ATXN1: variants seen among roughly 807,000 people sequenced by gnomAD.
The protein encoded by ATXN1 is ataxin-1.
ATXN1 carries 8 observed loss-of-function variants against 56.4 expected under a neutral mutation model. The ratio of observed to expected loss-of-function variants is 0.14; its 90% CI spans 0.08 to 0.26. ATXN1 has a LOEUF of 0.26. Among genes scored for constraint, ATXN1 ranks in the 10% least tolerant of loss-of-function variants. The probability of loss-of-function intolerance (pLI) is 1.00; values close to 1 mark genes in which losing one functional copy is unlikely to be tolerated. For missense variants in ATXN1, 987 were observed against 1,106.5 expected, an observed-to-expected ratio of 0.89 and a Z score of 1.53; for synonymous variants, 514 against 494.6, an observed-to-expected ratio of 1.04 and a Z score of -0.52.
At chr6:16,659,149 A>C (rs1758265577) in intron 2 of ATXN1, among the ~76,000 whole-genome samples, 1 of 152,244 alleles carries the variant, frequency 6.6e-6, no homozygotes, top group African/African-American at 2.4e-5. Flanking sequence ...AGTTGAGATA[A>C]TGCCATTCAA....
At chr6:16,408,508 A>C (rs1310431282) in intron 6 of ATXN1, among the ~76,000 whole-genome samples, 1 of 143,178 alleles carries the variant, frequency 7.0e-6, no homozygotes, top group Non-Finnish European at 1.6e-5. Flanking sequence ...GAACATGATG[A>C]GGATGGTAAA....
intron 2 of ATXN1, among the ~76,000 whole-genome samples, chr6:16,659,582 A>G (rs554138287): frequency 1.3e-5 from 2 of 152,350 alleles, no homozygotes; most frequent in African/African-American, 4.8e-5. Context: ...CTGCTGACCC[A>G]GGGAGGTTGA....
At chr6:16,522,751 T>C (rs1561738267) in intron 4 of ATXN1, 63 bp from the exon 5 acceptor site, 1 of 152,232 alleles carries the variant, frequency 6.6e-6, no homozygotes, top group East Asian at 1.9e-4. Context: ...TCAGTCCAAA[T>C]GAGCAGGCCT....
chr6:16,536,159 G>A (rs1761593207), intron 4 of ATXN1, among the ~76,000 whole-genome samples: 1 of 152,120 alleles, frequency 6.6e-6, no homozygotes, highest in African/African-American at 2.4e-5. Flanking sequence ...CCAGTCTGCA[G>A]TGAGCTGAGA....
chr6:16,411,009 C>G (rs1758786071), intron 6 of ATXN1, among the ~76,000 whole-genome samples: 1 of 151,460 alleles, frequency 6.6e-6, no homozygotes, highest in Non-Finnish European at 1.5e-5. Flanking sequence ...CCTGTAGTTT[C>G]AGCTACTTGG....
At chr6:16,389,687 T>C (rs563779683) in intron 6 of ATXN1, among the ~76,000 whole-genome samples, 15 of 152,298 alleles carry the variant, frequency 9.8e-5, no homozygotes, top group African/African-American at 3.4e-4. Context: ...AAAGAAAACA[T>C]AGAAGCAAAA....
At chr6:16,579,480 G>GCCCC (rs796374864) in intron 4 of ATXN1, among the ~76,000 whole-genome samples, 23 of 21,886 alleles carry the variant, frequency 1.1e-3, no homozygotes, top group East Asian at 7.0e-3. Context: ...CTTGGTCAAA[G>GCCCC]CCCCCCCCCC....
At chr6:16,335,375 T>C (rs985093853) in intron 6 of ATXN1, among the ~76,000 whole-genome samples, 1 of 152,188 alleles carries the variant, frequency 6.6e-6, no homozygotes, top group Non-Finnish European at 1.5e-5. Context: ...TTGTAGAAGA[T>C]GCTGTCTGAG....
chr6:16,500,738 T>TAAAAA (rs1167731131), intron 5 of ATXN1, among the ~76,000 whole-genome samples: 34 of 84,470 alleles, frequency 4.0e-4, no homozygotes, highest in Middle Eastern at 7.5e-3. Context: ...TTCATTATGA[T>TAAAAA]AAAAAAAAAA....
chr6:16,531,623 C>CAAAAAA (rs5874561), intron 4 of ATXN1, among the ~76,000 whole-genome samples: 1 of 102,546 alleles, frequency 9.8e-6, no homozygotes, highest in Admixed American at 9.6e-5. Flanking sequence ...AACTGTGTCT[C>CAAAAAA]AAAAAAAAAA....
At position 16,486,064 on chromosome 6, in the gene ATXN1, G is replaced by C. The variant is rs1415301349; in HGVS notation, c.-253C>G. 1 of 152,124 alleles carries C rather than the reference G, an allele frequency of 6.6e-6. No individual in the cohort carries two copies. The highest frequency in any genetic ancestry group is 6.5e-5 in the Admixed American group (1 of 15,268). The allele number at this position is 152,124 out of a possible 1,614,324, so 9.4% of individuals were successfully genotyped here. On this transcript the variant is annotated 5_prime_UTR_variant, in exon 6 of 8. Coordinates refer to ENST00000436367, the MANE Select transcript of ATXN1 (RefSeq NM_001128164.2). ...TCTGGAGGGCTCCTGAGGGCTCTTG[G>C]GCTCAGGCGTGTTCTTTCTTCCTTT...
At chr6:16,695,807 TAAAAAC>T (rs921637175) in intron 2 of ATXN1, among the ~76,000 whole-genome samples, 8 of 151,834 alleles carry the variant, frequency 5.3e-5, no homozygotes, top group Non-Finnish European at 8.8e-5. Context: ...AAAAATAAAT[TAAAAAC>T]AAAAAATAAG....
At chr6:16,615,854 G>C (rs1395747194) in intron 3 of ATXN1, 1 of 151,800 alleles carries the variant, frequency 6.6e-6, no homozygotes, top group East Asian at 1.9e-4. Flanking sequence ...TGAACATGGT[G>C]AAACTCCGTC....
intron 6 of ATXN1, among the ~76,000 whole-genome samples, chr6:16,480,948 C>T (rs775435547): frequency 6.6e-6 from 1 of 152,128 alleles, no homozygotes; most frequent in African/African-American, 2.4e-5. Context: ...GAAGCAGTGA[C>T]TCCTGCAAAG....
At chr6:16,555,780 T>C (rs1762002401) in intron 4 of ATXN1, among the ~76,000 whole-genome samples, 1 of 152,230 alleles carries the variant, frequency 6.6e-6, no homozygotes, top group Non-Finnish European at 1.5e-5. Context: ...AAACTCCTTT[T>C]GTTTATGACC....
chr6:16,355,687 G>A (rs1411989167), intron 6 of ATXN1, among the ~76,000 whole-genome samples: 2 of 152,092 alleles, frequency 1.3e-5, no homozygotes, highest in Non-Finnish European at 1.5e-5. Context: ...TCAGCCTCCT[G>A]AGTAGCTGGG....
chr6:16,728,135 CT>C (rs911318192), intron 2 of ATXN1, among the ~76,000 whole-genome samples: 3 of 152,218 alleles, frequency 2.0e-5, no homozygotes, highest in Non-Finnish European at 4.4e-5. Flanking sequence ...CTCCCTGCTC[CT>C]TGCTCTTTCT....
intron 4 of ATXN1, among the ~76,000 whole-genome samples, chr6:16,546,558 AAT>A (rs1761818327): frequency 6.6e-6 from 1 of 152,198 alleles, no homozygotes; most frequent in African/African-American, 2.4e-5. Context: ...GAAATCAGAA[AAT>A]CCTGAATTTT....
intron 2 of ATXN1, among the ~76,000 whole-genome samples, chr6:16,703,358 C>T (rs1759330730): frequency 6.6e-6 from 1 of 152,148 alleles, no homozygotes; most frequent in Non-Finnish European, 1.5e-5. Context: ...GGAGGGATAG[C>T]ATTAGGAGAT....
Sources: gnomAD v4.1 joint callset for allele counts (sites outside exome capture counted in the v4.1 genomes callset) on GRCh38, gnomAD v4.1.1 for gene constraint, MANE v1.5 for transcripts, NCBI Gene and HGNC (gene_info 2026-07-23, HGNC 2026-07-21) for gene names.